The following HOXD3 variants were observed in gnomAD, a reference collection of about 807,000 sequenced individuals.
The protein encoded by HOXD3 is homeobox protein Hox-D3.
Under a neutral mutation model 32.8 loss-of-function variants are expected in HOXD3, and 13 were observed. The ratio of observed to expected loss-of-function variants is 0.40; its 90% CI spans 0.26 to 0.63. The LOEUF (loss-of-function observed/expected upper bound fraction) is 0.63, where lower values mean the gene tolerates loss of function less well. Among genes scored for constraint, HOXD3 ranks in the 20% least tolerant of loss-of-function variants. HOXD3 has a pLI of 0.44. For missense variants in HOXD3, 504 were observed against 577.1 expected (o/e 0.87, Z 1.30); for synonymous variants, 241 against 246.8 (o/e 0.98, Z 0.22).
Position 176,171,933 on chromosome 2 carries a change from A to G in HOXD3, c.958A>G (p.Ser320Gly). The G allele has an allele frequency of 6.2e-7, 1 of 1,610,422 alleles. No individual in the cohort carries two copies. The highest frequency in any genetic ancestry group is 8.5e-7 in the Non-Finnish European group (1 of 1,179,184). The change falls in exon 4 of 4, where the codon AGC becomes GGC. Residue 320 changes from serine (S) to glycine (G), a missense_variant. Ser to Gly is a moderately conservative substitution (Grantham distance 56, BLOSUM62 0). Around this residue, in one of 3 missense-constraint regions of HOXD3, gnomAD observed 226 missense variants for 246.9 expected, o/e 0.92. Transcript: ENST00000683222. Reference sequence around the variant, plus strand: ...CCTGGCCGCCTACACGGCGCCACTCAGCAGCTGCCTGCCACAACAGAAGCG... The same window carrying G: ...CCTGGCCGCCTACACGGCGCCACTCGGCAGCTGCCTGCCACAACAGAAGCG... ...YGLAAYTAPL[S>G]SCLPQQKRYA...
intron 1 of HOXD3, among the ~76,000 whole-genome samples, chr2:176,159,391 G>C (rs1354785409): frequency 6.6e-6 from 1 of 152,226 alleles, no homozygotes; most frequent in Non-Finnish European, 1.5e-5. Context: ...TGGGGATGCG[G>C]TGGACCTTAC....
chr2:176,153,304 C>T, upstream of HOXD3: 1 of 292,348 alleles, frequency 3.4e-6, no homozygotes, highest in Non-Finnish European at 6.5e-6. Flanking sequence ...TCCCCCACTC[C>T]ACCCCTCCAG....
intron 1 of HOXD3, among the ~76,000 whole-genome samples, chr2:176,160,241 T>C (rs1444386936): frequency 1.3e-5 from 2 of 151,950 alleles, no homozygotes; most frequent in East Asian, 3.9e-4. Context: ...AAGCTAGGGG[T>C]ACCCTCAGCC....
chr2:176,154,477 A>G (rs548598149), upstream of HOXD3, among the ~76,000 whole-genome samples: 2 of 152,256 alleles, frequency 1.3e-5, no homozygotes, highest in Admixed American at 6.5e-5. Context: ...AAAGTGGGAA[A>G]GGGAGAAAGG....
rs1691187448 is a variant in HOXD3, at chr2:176,171,626, C to T, written c.651C>T (p.Arg217=). ...VELEKEFHFN[R]YLCRPRRVEM... ...TGGAAAAGGAATTCCACTTCAACCG[C>T]TACTTGTGCCGGCCGCGCCGCGTGG... Residue 217 remains arginine, a synonymous_variant, in exon 4 of 4, where the codon CGC becomes CGT. Coordinates refer to ENST00000683222, the MANE Select transcript of HOXD3 (RefSeq NM_006898.5). The T allele has an allele frequency of 1.9e-6, 3 of 1,614,112 alleles. No individual in the cohort carries two copies. The highest frequency in any genetic ancestry group is 1.7e-5 in the Admixed American group (1 of 60,012).
intron 2 of HOXD3, among the ~76,000 whole-genome samples, chr2:176,167,044 T>G (rs1481066197): frequency 6.6e-6 from 1 of 152,246 alleles, no homozygotes; most frequent in African/African-American, 2.4e-5. Context: ...AGCTGACCTA[T>G]GAGTTTTCTT....
At position 176,161,360 on chromosome 2, in the gene HOXD3, A is replaced by C. The variant is rs562929168; in HGVS notation, c.-180-2713A>C. On this transcript the variant is annotated intron_variant, in intron 1 of 3. Transcript: ENST00000683222. ...GGTGGCCGGCAGCATTGGGGGTGGT[A>C]GTAGCAGTTTAAGGAGGGGATCTGG... Among the ~76,000 whole-genome samples, 4 of 152,290 alleles carry C rather than the reference A, an allele frequency of 2.6e-5. No homozygotes were observed. The South Asian group carries it at 8.3e-4, about 32-fold the overall frequency.
intron 3 of HOXD3, among the ~76,000 whole-genome samples, chr2:176,171,097 C>T (rs1302659199): frequency 6.6e-6 from 1 of 152,152 alleles, no homozygotes; most frequent in African/African-American, 2.4e-5. Context: ...TCTTCCTTTC[C>T]TTCTCCATAC....
upstream of HOXD3, chr2:176,152,719 G>T: frequency 6.2e-7 from 1 of 1,614,166 alleles, no homozygotes; most frequent in Middle Eastern, 1.6e-4. The surrounding 1 kb of genome is among the most constrained non-coding windows in gnomAD (Gnocchi z 5.2). Flanking sequence ...CTGACAAGGC[G>T]CCGTCGGATT....
upstream of HOXD3, among the ~76,000 whole-genome samples, chr2:176,155,195 T>C (rs1405271741): frequency 6.6e-6 from 1 of 152,218 alleles, no homozygotes; most frequent in Non-Finnish European, 1.5e-5. Flanking sequence ...TGTCTATACA[T>C]TGAACCTTCT....
At chr2:176,163,129 G>C (rs911656232) in intron 1 of HOXD3, among the ~76,000 whole-genome samples, 22 of 152,178 alleles carry the variant, frequency 1.4e-4, no homozygotes, top group Non-Finnish European at 2.8e-4. Context: ...TCTTCGAGGC[G>C]CTTCTGTTGG....
intron 1 of HOXD3, among the ~76,000 whole-genome samples, chr2:176,162,699 G>T (rs892495133): frequency 2.0e-5 from 3 of 152,072 alleles, no homozygotes; most frequent in Non-Finnish European, 4.4e-5. Context: ...AGCTCAAAGC[G>T]CACCGCGCAC....
intron 1 of HOXD3, among the ~76,000 whole-genome samples, 47 bp downstream of exon 1, chr2:176,157,499 G>A (rs951992912): frequency 6.6e-6 from 1 of 152,190 alleles, no homozygotes; most frequent in African/African-American, 2.4e-5. Flanking sequence ...AATCCTTAAT[G>A]AACTTAGCTG....
In HOXD3 at chr2:176,171,977, C is replaced by T. The variant is rs759813437; in HGVS notation, c.1002C>T (p.Phe334=). Reference sequence around the variant, plus strand: ...AGAAGCGCTACGCAGCGCCGGAGTTCGAGCCCCATCCCATGGCGAGCAACG... The same window carrying T: ...AGAAGCGCTACGCAGCGCCGGAGTTTGAGCCCCATCCCATGGCGAGCAACG... ...PQQKRYAAPE[F]EPHPMASNGG... is the part of the protein sequence containing the mutation. Residue 334 remains phenylalanine (F), a synonymous_variant, in exon 4 of 4, where the codon TTC becomes TTT. Transcript: ENST00000683222. 2.5e-6 allele frequency: 4 copies of T among 1,610,578 alleles called. No individual in the cohort carries two copies. The South Asian group carries it at 3.3e-5, about 13-fold the overall frequency.
Position 176,169,287 on chromosome 2 carries a change from C to A in HOXD3, c.173C>A (p.Ser58Tyr), listed in dbSNP as rs867282168. Residue 58 changes from serine to tyrosine, a missense_variant, in exon 3 of 4, where the codon TCC (serine) becomes TAC (tyrosine). Around this residue, in one of 3 missense-constraint regions of HOXD3, gnomAD observed 181 missense variants for 172.2 expected, o/e 1.05. Transcript: ENST00000683222. ...QPYPPPAAAS[S>Y]LDTDYPGSAC... ...TACCCACCCCCTGCTGCTGCCAGCTCCCTGGACACTGACTATCCAGGTTCT... is the reference window on the plus strand; with the variant it reads ...TACCCACCCCCTGCTGCTGCCAGCTACCTGGACACTGACTATCCAGGTTCT... 1 of 1,614,114 alleles carries A rather than the reference C, an allele frequency of 6.2e-7. No individual in the cohort carries two copies. Among genetic ancestry groups the A allele is most frequent in the Non-Finnish European group, 8.5e-7 (1 of 1,180,020 alleles).
chr2:176,159,777 A>C (rs2105432815), intron 1 of HOXD3, among the ~76,000 whole-genome samples: 1 of 152,324 alleles, frequency 6.6e-6, no homozygotes, highest in African/African-American at 2.4e-5. Flanking sequence ...CTCATTGCGC[A>C]GTCCTCCTCG....
upstream of HOXD3, chr2:176,153,006 C>A (rs143890106): frequency 8.4e-5 from 127 of 1,518,280 alleles, no homozygotes; most frequent in East Asian, 2.9e-3. Flanking sequence ...CGGGGGCAGG[C>A]CGGGCCTGCT....
intron 1 of HOXD3, among the ~76,000 whole-genome samples, chr2:176,159,235 T>TG (rs1300631911): frequency 7.4e-5 from 4 of 54,258 alleles, no homozygotes; most frequent in Non-Finnish European, 1.6e-4. Flanking sequence ...GTCCTCCGGG[T>TG]GGGGGTGGGC....
At chr2:176,170,063 T>C (rs911364670) in intron 3 of HOXD3, among the ~76,000 whole-genome samples, 1 of 152,182 alleles carries the variant, frequency 6.6e-6, no homozygotes, top group African/African-American at 2.4e-5. Flanking sequence ...TCATAAAAAC[T>C]AAAGTCTTAG....
Sources: allele counts gnomAD v4.1 joint callset (sites outside exome capture counted in the v4.1 genomes callset), GRCh38; gene constraint gnomAD v4.1.1; regional missense constraint gnomAD v4.1.1; non-coding constraint Gnocchi (gnomAD v3.1); transcripts MANE v1.5; gene names NCBI Gene and HGNC (gene_info 2026-07-23, HGNC 2026-07-21).